The following PRKG1 variants were observed in gnomAD, a reference collection of about 807,000 sequenced individuals.
PRKG1 encodes the protein protein kinase cGMP-dependent 1, also known as cGMP-dependent protein kinase 1.
A neutral mutation model predicts 88.1 loss-of-function variants in PRKG1; 35 were observed. That is an observed-to-expected ratio of 0.40 (90% CI 0.30 to 0.53). The LOEUF is 0.53. Among genes scored for constraint, PRKG1 ranks in the 20% least tolerant of loss-of-function variants. The probability of loss-of-function intolerance (pLI) is 0.59; values close to 1 mark genes in which losing one functional copy is unlikely to be tolerated. For missense variants in PRKG1, 540 were observed against 839.8 expected, an observed-to-expected ratio of 0.64 and a Z score of 4.41; for synonymous variants, 303 against 292.5, an observed-to-expected ratio of 1.04 and a Z score of -0.37.
chr10:51,129,291 C>T (rs191462676), intron 1 of PRKG1, among the ~76,000 whole-genome samples: 1 of 152,012 alleles, frequency 6.6e-6, no homozygotes, highest in Non-Finnish European at 1.5e-5. Context: ...GCCTGGCCAA[C>T]ATGACAAAGC....
intron 5 of PRKG1, among the ~76,000 whole-genome samples, chr10:51,950,397 C>A (rs12245187): frequency 0.15 from 23,413 of 152,236 alleles, 2,205 homozygotes; most frequent in African/African-American, 0.25. Flanking sequence ...TTCAATTAGA[C>A]TTATATGAGA....
intron 1 of PRKG1, among the ~76,000 whole-genome samples, chr10:51,015,828 A>G (rs924320813): frequency 6.6e-6 from 1 of 152,214 alleles, no homozygotes; most frequent in Non-Finnish European, 1.5e-5. Context: ...TGGAGGTTGC[A>G]GTGAGCCGAG....
intron 2 of PRKG1, among the ~76,000 whole-genome samples, chr10:51,285,810 G>A (rs16916244): frequency 0.075 from 11,478 of 152,118 alleles, 1,421 homozygotes; most frequent in African/African-American, 0.26. Flanking sequence ...TTCTGAAGCC[G>A]TCCCCCGCTT....
At chr10:51,207,039 T>C (rs2132065863) in intron 2 of PRKG1, among the ~76,000 whole-genome samples, 1 of 152,340 alleles carries the variant, frequency 6.6e-6, no homozygotes, top group Non-Finnish European at 1.5e-5. Flanking sequence ...TATTTCTTGG[T>C]ACATTTTATG....
chr10:51,374,093 A>AAATATAT, intron 2 of PRKG1, among the ~76,000 whole-genome samples: 12 of 100,150 alleles, frequency 1.2e-4, no homozygotes, highest in Non-Finnish European at 2.2e-4. Flanking sequence ...AAAAAAAAAA[A>AAATATAT]ATATATATAT....
chr10:51,517,376 T>C (rs540046129), intron 3 of PRKG1, among the ~76,000 whole-genome samples: 78 of 152,312 alleles, frequency 5.1e-4, no homozygotes, highest in African/African-American at 1.7e-3. Context: ...AAGGAACCTC[T>C]AGGGTAGTAG....
intron 3 of PRKG1, among the ~76,000 whole-genome samples, chr10:51,661,910 A>G (rs1840309572): frequency 6.6e-6 from 1 of 152,166 alleles, no homozygotes; most frequent in South Asian, 2.1e-4. Flanking sequence ...TAAAAGGATG[A>G]GTTCACATCC....
intron 2 of PRKG1, among the ~76,000 whole-genome samples, chr10:51,206,508 A>C (rs1838065332): frequency 6.6e-6 from 1 of 151,514 alleles, no homozygotes; most frequent in Non-Finnish European, 1.5e-5. Flanking sequence ...AAAAAAAAAG[A>C]ATGGAGCCAA....
chr10:51,047,881 A>G (rs1843511340), intron 1 of PRKG1, among the ~76,000 whole-genome samples: 1 of 152,238 alleles, frequency 6.6e-6, no homozygotes. Flanking sequence ...ATACAAGGAA[A>G]GTATAAAATA....
At chr10:52,100,149 C>T (rs1253084688) in intron 7 of PRKG1, among the ~76,000 whole-genome samples, 2 of 152,096 alleles carry the variant, frequency 1.3e-5, no homozygotes, top group Non-Finnish European at 2.9e-5. Context: ...GGGGCCATTC[C>T]AGCCTTCTCC....
chr10:51,118,076 T>A (rs1451729963), intron 1 of PRKG1, among the ~76,000 whole-genome samples: 1 of 152,172 alleles, frequency 6.6e-6, no homozygotes, highest in African/African-American at 2.4e-5. Context: ...TTGAATTACA[T>A]GGCATTGGAG....
At chr10:52,288,881 A>G in intron 15 of PRKG1, 33 bp downstream of exon 15, 2 of 1,595,996 alleles carry the variant, frequency 1.3e-6, no homozygotes, top group Non-Finnish European at 1.7e-6. Flanking sequence ...TTTTGAAAAC[A>G]TCATAATGTG....
intron 9 of PRKG1, among the ~76,000 whole-genome samples, chr10:52,224,405 G>A (rs927541459): frequency 6.6e-6 from 1 of 151,906 alleles, no homozygotes; most frequent in African/African-American, 2.4e-5. Flanking sequence ...TCTGGTTTTT[G>A]TTCCCACACT....
At chr10:51,199,655 G>A (rs1325732111) in intron 2 of PRKG1, among the ~76,000 whole-genome samples, 1 of 152,198 alleles carries the variant, frequency 6.6e-6, no homozygotes, top group Non-Finnish European at 1.5e-5. Context: ...GAAGTTGAAA[G>A]TGAGGTCGGG....
intron 5 of PRKG1, among the ~76,000 whole-genome samples, chr10:51,952,347 C>A (rs746725323): frequency 6.6e-6 from 1 of 152,154 alleles, no homozygotes; most frequent in African/African-American, 2.4e-5. Context: ...TTGGGAATCA[C>A]TTGTGCTGGC....
chr10:52,057,903 C>T (rs906219751), intron 6 of PRKG1, among the ~76,000 whole-genome samples: 4 of 151,382 alleles, frequency 2.6e-5, no homozygotes, highest in Non-Finnish European at 4.4e-5. Context: ...ATATCAAGAA[C>T]AAGATAAAGA....
chr10:51,670,000 T>C (rs1840518164), intron 3 of PRKG1, among the ~76,000 whole-genome samples: 1 of 152,230 alleles, frequency 6.6e-6, no homozygotes, highest in South Asian at 2.1e-4. Flanking sequence ...AATATGCTTA[T>C]ATTTGCCTAT....
intron 3 of PRKG1, among the ~76,000 whole-genome samples, chr10:51,738,978 A>G (rs747568020): frequency 8.5e-5 from 13 of 152,212 alleles, no homozygotes; most frequent in Non-Finnish European, 1.6e-4. Flanking sequence ...TGTGCATTCT[A>G]TGTAGGCACA....
chr10:52,060,282 A>G (rs1846207069), intron 6 of PRKG1, among the ~76,000 whole-genome samples: 1 of 151,966 alleles, frequency 6.6e-6, no homozygotes, highest in Non-Finnish European at 1.5e-5. Flanking sequence ...AAGAAAAATT[A>G]GGAAAAAATT....
Sources: gnomAD v4.1 joint callset for allele counts (sites outside exome capture counted in the v4.1 genomes callset) on GRCh38, gnomAD v4.1.1 for gene constraint, MANE v1.5 for transcripts, NCBI Gene and HGNC (gene_info 2026-07-23, HGNC 2026-07-21) for gene names.